Variants in ANO6 observed in about 807,000 individuals in gnomAD.
The protein encoded by ANO6 is anoctamin 6.
Under a neutral mutation model 117.5 loss-of-function variants are expected in ANO6, and 106 were observed. The ratio of observed to expected loss-of-function variants is 0.90; its 90% CI spans 0.77 to 1.06. ANO6 has a LOEUF of 1.06. Ranked by LOEUF, ANO6 falls within the 50% of genes least tolerant of loss-of-function variation. The pLI is 0.00. For synonymous variants in ANO6, 367 were observed against 385.1 expected (o/e 0.95, Z 0.55); for missense variants, 955 against 1,121.1 (o/e 0.85, Z 2.12).
intron 16 of ANO6, among the ~76,000 whole-genome samples, chr12:45,412,065 TTA>T (rs1364880694): frequency 6.6e-6 from 1 of 152,244 alleles, no homozygotes; most frequent in Non-Finnish European, 1.5e-5. Context: ...GAAACGTTTT[TTA>T]TTTAGTGAAT....
Position 45,216,217 on chromosome 12 carries a change from A to G in ANO6, c.-105A>G. On this transcript the variant is annotated 5_prime_UTR_variant, in exon 1 of 20. Transcript: ENST00000320560. ...TCAGCGGCCCCTGAGCCCAAGCGAC[A>G]CACGCCCCGCGGTCCCCGATCCGGC... 7.4e-7 allele frequency: 1 copy of G among 1,344,658 alleles called. No individual in the cohort carries two copies. The highest frequency in any genetic ancestry group is 2.0e-5 in the Admixed American group (1 of 50,498). 83.3% of individuals were successfully genotyped at this position (1,344,658 alleles called of 1,614,324 possible).
chr12:45,298,531 C>T (rs1424844177), intron 1 of ANO6, among the ~76,000 whole-genome samples: 1 of 152,106 alleles, frequency 6.6e-6, no homozygotes, highest in Non-Finnish European at 1.5e-5. Flanking sequence ...ATTATATTGG[C>T]CTCATAAATC....
intron 2 of ANO6, among the ~76,000 whole-genome samples, chr12:45,326,344 A>AGACT (rs1303781650): frequency 1.3e-5 from 2 of 152,204 alleles, no homozygotes; most frequent in African/African-American, 2.4e-5. Context: ...ATAAAACACA[A>AGACT]GACTGTTTTT....
intron 1 of ANO6, among the ~76,000 whole-genome samples, chr12:45,242,528 C>T (rs980230169): frequency 5.1e-4 from 77 of 152,256 alleles, no homozygotes; most frequent in African/African-American, 1.6e-3. Context: ...CTTGTGCTTC[C>T]TGGGTGAGGC....
intron 3 of ANO6, among the ~76,000 whole-genome samples, chr12:45,344,448 A>G (rs1359004036): frequency 3.3e-5 from 5 of 152,188 alleles, no homozygotes; most frequent in African/African-American, 1.2e-4. Context: ...GAAACTTCCA[A>G]TCATGGCAGA....
chr12:45,421,115 G>A lies in ANO6; in HGVS notation c.2262G>A (p.Val754=), dbSNP rs1565770350. ...CGTCGGACATGATCCCCCGCCTAGT[G>A]TACTACTGGTCCTTCTCCGTCCCTC... ...AFTSDMIPRL[V]YYWSFSVPPY... is the part of the protein sequence containing the mutation. Residue 754 remains valine (V), a synonymous_variant, in exon 18 of 20, where the codon GTG becomes GTA. Coordinates refer to ENST00000320560, the MANE Select transcript of ANO6 (RefSeq NM_001025356.3). 6.2e-7 allele frequency: 1 copy of A among 1,614,226 alleles called. No homozygotes were observed. The highest frequency in any genetic ancestry group is 1.1e-5 in the South Asian group (1 of 91,086).
At chr12:45,366,353 C>T (rs1318187820) in intron 8 of ANO6, among the ~76,000 whole-genome samples, 1 of 151,238 alleles carries the variant, frequency 6.6e-6, no homozygotes, top group Admixed American at 6.6e-5. Flanking sequence ...AGGTTATCTA[C>T]ATTTTTTTTT....
At chr12:45,314,826 T>G (rs968079641) in intron 2 of ANO6, among the ~76,000 whole-genome samples, 2 of 152,102 alleles carry the variant, frequency 1.3e-5, no homozygotes, top group Admixed American at 1.3e-4. Flanking sequence ...ACACCTTGAT[T>G]AGTATTTGAC....
chr12:45,292,232 ACT>A (rs1458428252), intron 1 of ANO6, among the ~76,000 whole-genome samples: 5 of 152,214 alleles, frequency 3.3e-5, no homozygotes, highest in African/African-American at 1.2e-4. Context: ...ATATTGTATA[ACT>A]CTATTTATAT....
intron 1 of ANO6, among the ~76,000 whole-genome samples, chr12:45,280,578 A>G (rs1319296069): frequency 1.3e-5 from 2 of 152,180 alleles, no homozygotes; most frequent in Admixed American, 6.5e-5. Context: ...GGAAGCCAAA[A>G]AGAAAATTGG....
chr12:45,429,239 G>A lies in ANO6; in HGVS notation c.2661G>A (p.Thr887=), dbSNP rs372324794. ...ATGAGAATCACCTCAAAGATATGAC[G>A]AAAAATATGGGGGTGATAGCTGAGC... ...LLHENHLKDM[T]KNMGVIAERM... Residue 887 remains threonine, a synonymous_variant, in exon 20 of 20, where the codon ACG becomes ACA. Transcript: ENST00000320560. The A allele has an allele frequency of 1.3e-5, 21 of 1,613,706 alleles. No individual in the cohort carries two copies. The highest frequency in any genetic ancestry group is 2.7e-5 in the African/African-American group (2 of 74,892).
At chr12:45,386,068 A>G (rs1942290501) in intron 10 of ANO6, among the ~76,000 whole-genome samples, 1 of 152,000 alleles carries the variant, frequency 6.6e-6, no homozygotes, top group Non-Finnish European at 1.5e-5. Context: ...AAAACAAAAC[A>G]AAACAAAAAC....
intron 2 of ANO6, among the ~76,000 whole-genome samples, chr12:45,316,723 T>C (rs1201272248): frequency 6.6e-6 from 1 of 151,868 alleles, no homozygotes; most frequent in Non-Finnish European, 1.5e-5. Context: ...CCTTCAGTAT[T>C]ATATTCCAAT....
intron 1 of ANO6, among the ~76,000 whole-genome samples, chr12:45,287,199 C>G (rs943554860): frequency 1.6e-4 from 24 of 152,268 alleles, no homozygotes; most frequent in Non-Finnish European, 2.9e-4. Flanking sequence ...CAGGGACAAC[C>G]TCTCTGAGAC....
chr12:45,410,756 G>C (rs562407039), intron 16 of ANO6, among the ~76,000 whole-genome samples: 1 of 152,256 alleles, frequency 6.6e-6, no homozygotes, highest in South Asian at 2.1e-4. Flanking sequence ...TTACAAGTCT[G>C]CAGTTAGAAG....
Position 45,409,495 on chromosome 12 carries a change from G to T in ANO6, c.2011+8G>T. 1 of 1,612,490 alleles carries T rather than the reference G, an allele frequency of 6.2e-7. No individual in the cohort carries two copies. Among genetic ancestry groups the T allele is most frequent in the Non-Finnish European group, 8.5e-7 (1 of 1,179,528 alleles). On this transcript the variant is annotated splice_region_variant and intron_variant, in intron 16 of 19. Coordinates refer to ENST00000320560, the MANE Select transcript of ANO6 (RefSeq NM_001025356.3). ...ATGAATATCTTGAAATGAGTAAGTT[G>T]TTAGTGAAGTTTTTAGTGATATAAA...
At chr12:45,289,992 C>T (rs956472262) in intron 1 of ANO6, among the ~76,000 whole-genome samples, 5 of 152,108 alleles carry the variant, frequency 3.3e-5, no homozygotes, top group African/African-American at 1.2e-4. Context: ...GAGCTGAACT[C>T]ATTTGATGTA....
rs867337896 is a variant in ANO6 at position 45,378,068 on chromosome 12, G to A, written c.1120G>A (p.Asp374Asn). Reference sequence around the variant, plus strand: ...TATTTTCCAGAAATTGTGCATCTTCGACAGTTTTGGAACCCTGGTCTTTGC... The same window carrying A: ...TATTTTCCAGAAATTGTGCATCTTCAACAGTTTTGGAACCCTGGTCTTTGC... ...CESSKKLCIFDSFGTLVFAVF... is the reference protein window; with the variant it reads ...CESSKKLCIFNSFGTLVFAVF... Residue 374 changes from aspartate to asparagine, a missense_variant, in exon 10 of 20, where the codon GAC (aspartate) becomes AAC (asparagine). Transcript: ENST00000320560. The A allele has an allele frequency of 6.2e-7, 1 of 1,612,156 alleles. No homozygotes were observed. Among genetic ancestry groups the A allele is most frequent in the African/African-American group, 1.3e-5 (1 of 74,572 alleles).
chr12:45,423,552 T>C (rs1943419446), intron 19 of ANO6, among the ~76,000 whole-genome samples: 1 of 152,224 alleles, frequency 6.6e-6, no homozygotes, highest in Non-Finnish European at 1.5e-5. Flanking sequence ...TTAATTGGTA[T>C]GGTAGATAGG....
Sources: allele counts gnomAD v4.1 joint callset (sites outside exome capture counted in the v4.1 genomes callset), GRCh38; gene constraint gnomAD v4.1.1; transcripts MANE v1.5; gene names NCBI Gene and HGNC (gene_info 2026-07-23, HGNC 2026-07-21).